Variants in ADAM12 observed in about 807,000 individuals in gnomAD.
ADAM12 encodes the protein ADAM metallopeptidase domain 12, also known as disintegrin and metalloproteinase domain-containing protein 12.
ADAM12 carries 70 observed loss-of-function variants against 106.4 expected under a neutral mutation model. The observed-to-expected ratio is 0.66, with a 90% confidence interval of 0.54 to 0.80. The LOEUF (loss-of-function observed/expected upper bound fraction) is 0.80. Among genes scored for constraint, ADAM12 ranks in the 30% least tolerant of loss-of-function variants. ADAM12 has a pLI of 0.00. For missense variants in ADAM12, 1,010 were observed against 1,171.9 expected (o/e 0.86, Z 2.02); for synonymous variants, 420 against 433.5 (o/e 0.97, Z 0.39).
chr10:126,228,722 T>C (rs3858312), intron 3 of ADAM12, among the ~76,000 whole-genome samples: 2,242 of 152,270 alleles, frequency 0.015, 45 homozygotes, highest in African/African-American at 0.042. Context: ...GGGGTGGACT[T>C]TAAATTCATC....
rs951498837 is a variant in ADAM12, at chr10:126,014,322, T to TTG, written c.*2956_*2957insCA. ...GACACAGTTTTAGCCGGTTTTTTTT[T>TTG]TTTTTTTTTTTTTTTGAGGATGCAT... is the stretch of plus-strand genomic sequence containing the variant. On this transcript the variant is annotated 3_prime_UTR_variant, in exon 23 of 23. Coordinates refer to ENST00000448723, the MANE Select transcript of ADAM12 (RefSeq NM_001288973.2). 5 of 146,660 alleles carry TTG rather than the reference T, an allele frequency of 3.4e-5. No homozygotes were observed. The highest frequency in any genetic ancestry group is 1.0e-4 in the African/African-American group (4 of 39,518). The allele number at this position is 146,660 out of a possible 1,614,324, so 9.1% of individuals were successfully genotyped here. A position where few individuals can be genotyped will look rare whatever the true frequency, so the allele number is the denominator to read the frequency against.
At chr10:126,327,603 C>T (rs1392793052) in intron 2 of ADAM12, among the ~76,000 whole-genome samples, 4 of 151,648 alleles carry the variant, frequency 2.6e-5, no homozygotes, top group African/African-American at 9.7e-5. Context: ...CCCCTCCCCA[C>T]CCCCTCATCT....
chr10:126,177,024 A>G (rs946278411), intron 3 of ADAM12, among the ~76,000 whole-genome samples: 2 of 146,316 alleles, frequency 1.4e-5, no homozygotes, highest in African/African-American at 2.6e-5. Context: ...GCCAAAGTGT[A>G]TGTGTGTGTG....
chr10:126,231,398 A>G (rs1958307858), intron 3 of ADAM12, among the ~76,000 whole-genome samples: 2 of 152,088 alleles, frequency 1.3e-5, no homozygotes, highest in South Asian at 4.2e-4. Flanking sequence ...TAGGAAAAAA[A>G]AAAAAGCACC....
At chr10:126,374,757 T>C (rs912362936) in intron 1 of ADAM12, among the ~76,000 whole-genome samples, 4 of 152,060 alleles carry the variant, frequency 2.6e-5, no homozygotes, top group Non-Finnish European at 5.9e-5. Flanking sequence ...CCAAAGGAAG[T>C]GATGAAGCAA....
At chr10:126,023,908 G>GAA (rs5788761) in intron 21 of ADAM12, among the ~76,000 whole-genome samples, 2,060 of 140,752 alleles carry the variant, frequency 0.015, 16 homozygotes, top group African/African-American at 0.027. Flanking sequence ...TGAACTCATG[G>GAA]AAAAAAAAAA....
intron 1 of ADAM12, among the ~76,000 whole-genome samples, chr10:126,380,739 T>C (rs1382257951): frequency 6.6e-6 from 1 of 152,244 alleles, no homozygotes; most frequent in Admixed American, 6.5e-5. Context: ...CCAATTTCAC[T>C]TCTCCAGCCC....
Position 126,038,063 on chromosome 10 carries a change from G to A in ADAM12, c.2349+178C>T, listed in dbSNP as rs192089210. Among the ~76,000 whole-genome samples, 235 of 152,332 alleles carry A rather than the reference G, an allele frequency of 1.5e-3. 2 individuals are homozygous for A. The highest frequency in any genetic ancestry group is 0.012 in the South Asian group (58 of 4,828). On this transcript the variant is annotated intron_variant, in intron 20 of 22. Coordinates refer to ENST00000448723, the MANE Select transcript of ADAM12 (RefSeq NM_001288973.2). ...CTAGGTGGGCTTCCATGGGGGCACC[G>A]TGGGGCCTCCCTCTGGCCCCAGATC...
chr10:126,041,873 C>T (rs757808095), intron 18 of ADAM12: 3 of 1,332,284 alleles, frequency 2.3e-6, no homozygotes, highest in Middle Eastern at 2.8e-4. Context: ...ACCTGCTACT[C>T]TCTCAGGAGC....
chr10:126,194,138 T>C (rs970815606), intron 3 of ADAM12, among the ~76,000 whole-genome samples: 1 of 151,964 alleles, frequency 6.6e-6, no homozygotes, highest in Non-Finnish European at 1.5e-5. Context: ...ATCAAAAATA[T>C]ACATAAGACT....
intron 2 of ADAM12, among the ~76,000 whole-genome samples, chr10:126,322,968 T>C (rs1854157570): frequency 6.6e-6 from 1 of 152,060 alleles, no homozygotes; most frequent in Non-Finnish European, 1.5e-5. Flanking sequence ...CAGACACAGC[T>C]TCATGAGGAT....
intron 11 of ADAM12, among the ~76,000 whole-genome samples, chr10:126,092,698 T>C (rs1477955211): frequency 1.3e-5 from 2 of 152,222 alleles, no homozygotes; most frequent in Admixed American, 1.3e-4. Context: ...TGAATTATGC[T>C]TAAGAGGGAA....
At chr10:126,247,689 G>A (rs1029751415) in intron 3 of ADAM12, among the ~76,000 whole-genome samples, 1 of 152,176 alleles carries the variant, frequency 6.6e-6, no homozygotes, top group Admixed American at 6.5e-5. Flanking sequence ...GGAATTCTTC[G>A]CTGTTATCTA....
In ADAM12 at chr10:126,330,461, G is replaced by C. The variant is rs765117504; in HGVS notation, c.137C>G (p.Ser46Cys). 6.2e-7 allele frequency: 1 copy of C among 1,613,920 alleles called. No homozygotes were observed. Among genetic ancestry groups the C allele is most frequent in the Non-Finnish European group, 8.5e-7 (1 of 1,179,986 alleles). Residue 46 changes from serine to cysteine, a missense_variant, in exon 2 of 23, where the codon TCT (serine) becomes TGT (cysteine). This residue lies in a region of ADAM12 where 391 missense variants were observed against 442.9 expected (regional missense o/e 0.88). Transcript: ENST00000448723. The stretch of plus-strand genomic sequence containing the variant: ...GATCCAGAGGTCCCCACTCCCAACA[G>C]AGGCACTGACAACTTCATCAGCTCT... ...QGRADEVVSA[S>C]VGSGDLWIPV...
chr10:126,087,707 C>A (rs1341889683), intron 11 of ADAM12, among the ~76,000 whole-genome samples: 3 of 152,186 alleles, frequency 2.0e-5, no homozygotes, highest in African/African-American at 7.2e-5. Context: ...AGAATTCTAA[C>A]GATATGTATT....
chr10:126,195,044 T>C (rs1957571205), intron 3 of ADAM12, among the ~76,000 whole-genome samples: 2 of 152,116 alleles, frequency 1.3e-5, no homozygotes, highest in South Asian at 4.1e-4. Flanking sequence ...ATTGTTCTCC[T>C]TTATATGTAG....
chr10:126,349,700 C>T (rs1855280384), intron 1 of ADAM12, among the ~76,000 whole-genome samples: 2 of 152,202 alleles, frequency 1.3e-5, no homozygotes, highest in Non-Finnish European at 2.9e-5. Context: ...GAAGCAACTC[C>T]TATTTTGATG....
At chr10:126,118,571 G>A (rs1204688049) in intron 5 of ADAM12, among the ~76,000 whole-genome samples, 1 of 152,216 alleles carries the variant, frequency 6.6e-6, no homozygotes, top group African/African-American at 2.4e-5. Context: ...GAAGATAACT[G>A]TATCTGAATT....
intron 1 of ADAM12, among the ~76,000 whole-genome samples, chr10:126,366,244 G>C (rs1482402882): frequency 6.6e-6 from 1 of 152,104 alleles, no homozygotes; most frequent in Non-Finnish European, 1.5e-5. Flanking sequence ...CTCACCTTTT[G>C]TGTAAAAATG....
Sources: gnomAD v4.1 joint callset for allele counts (sites outside exome capture counted in the v4.1 genomes callset) on GRCh38, gnomAD v4.1.1 for gene constraint, gnomAD v4.1.1 regional missense constraint, MANE v1.5 for transcripts, NCBI Gene and HGNC (gene_info 2026-07-23, HGNC 2026-07-21) for gene names.